Variants in LNP1 observed in about 807,000 individuals in gnomAD.
The protein encoded by LNP1 is leukemia NUP98 fusion partner 1.
In LNP1, 12 loss-of-function variants were observed where a neutral mutation model predicts 14.5. That is an observed-to-expected ratio of 0.83 (90% CI 0.53 to 1.34). The LOEUF (loss-of-function observed/expected upper bound fraction) is 1.34, where lower values mean the gene tolerates loss of function less well. LNP1 is among the 40% of genes most tolerant of loss of function. The probability of loss-of-function intolerance (pLI) is 0.00; values close to 1 mark genes in which losing one functional copy is unlikely to be tolerated. For synonymous variants in LNP1, 75 were observed against 71.4 expected (o/e 1.05, Z -0.26); for missense variants, 198 against 210.9 (o/e 0.94, Z 0.38).
intron 1 of LNP1, among the ~76,000 whole-genome samples, chr3:100,405,534 A>C (rs6797836): frequency 0.48 from 73,361 of 151,986 alleles, 20,517 homozygotes; most frequent in African/African-American, 0.77. Context: ...TAAGAGCCCT[A>C]TTCTGGGTTG....
chr3:100,410,301 A>G (rs1031936191), intron 1 of LNP1, among the ~76,000 whole-genome samples: 2 of 152,230 alleles, frequency 1.3e-5, no homozygotes, highest in East Asian at 3.8e-4. Context: ...ACATAAATAC[A>G]TGAACAGAAT....
intron 1 of LNP1, among the ~76,000 whole-genome samples, chr3:100,408,533 GGGTTATTT>G (rs1452574214): frequency 6.6e-6 from 1 of 152,206 alleles, no homozygotes; most frequent in Non-Finnish European, 1.5e-5. Context: ...CTGTTGCTGT[GGGTTATTT>G]GGATCCCAAG....
chr3:100,445,160 T>C (rs1707376254), intron 2 of LNP1, among the ~76,000 whole-genome samples: 1 of 152,148 alleles, frequency 6.6e-6, no homozygotes, highest in East Asian at 1.9e-4. Flanking sequence ...TCATCTCAGC[T>C]ACTTGGGAAA....
intron 1 of LNP1, among the ~76,000 whole-genome samples, chr3:100,410,420 A>C (rs1707021391): frequency 6.6e-6 from 1 of 152,222 alleles, no homozygotes; most frequent in African/African-American, 2.4e-5. Context: ...GTAGCAAAGA[A>C]TATGGCTGCA....
Position 100,453,425 on chromosome 3 carries a change from A to T in LNP1, c.387+1476A>T, listed in dbSNP as rs553172544. 3.6e-4 allele frequency among the ~76,000 whole-genome samples: 49 copies of T among 134,690 alleles called. No individual in the cohort carries two copies. The East Asian group carries it at 3.7e-3, about 10-fold the overall frequency. 88.4% of individuals were successfully genotyped at this position (134,690 alleles called of 152,430 possible). ...GTGAAATCCTGTCTCTACGAAAATT[A>T]AAAAAAAAAAAAAAAATTACCAGCC... On this transcript the variant is annotated intron_variant, in intron 3 of 3. Transcript: ENST00000383693.
intron 1 of LNP1, among the ~76,000 whole-genome samples, chr3:100,418,572 G>A (rs1196066320): frequency 6.6e-6 from 1 of 152,088 alleles, no homozygotes. Context: ...ATGACATAGG[G>A]TGCAGGAAAG....
chr3:100,422,338 C>A (rs1476914219), intron 1 of LNP1, among the ~76,000 whole-genome samples: 1 of 152,034 alleles, frequency 6.6e-6, no homozygotes, highest in African/African-American at 2.4e-5. Context: ...CACCTGCCAC[C>A]AAGCCCAGCT....
At chr3:100,408,897 C>T (rs920395446) in intron 1 of LNP1, among the ~76,000 whole-genome samples, 2 of 152,168 alleles carry the variant, frequency 1.3e-5, no homozygotes, top group Non-Finnish European at 1.5e-5. Flanking sequence ...ATGCTATAAC[C>T]AGGTGCTATA....
In LNP1 at chr3:100,409,746, C is replaced by G. The variant is rs1707010917; in HGVS notation, c.-34+7307C>G. 2.0e-5 allele frequency among the ~76,000 whole-genome samples: 3 copies of G among 151,204 alleles called. No homozygotes were observed. The South Asian group carries it at 6.3e-4, about 32-fold the overall frequency. ...AGTATCTGGGATTGCAGGTACCCAC[C>G]ACTGTGCCCAGCTAATTTTTGTATT... On this transcript the variant is annotated intron_variant, in intron 1 of 3. Coordinates refer to ENST00000383693, the MANE Select transcript of LNP1 (RefSeq NM_001085451.2).
chr3:100,409,103 G>A (rs958168803), intron 1 of LNP1, among the ~76,000 whole-genome samples: 3 of 152,124 alleles, frequency 2.0e-5, no homozygotes, highest in African/African-American at 7.2e-5. Context: ...CCTCAGTGTG[G>A]TTGGCCCTCA....
intron 1 of LNP1, among the ~76,000 whole-genome samples, chr3:100,416,736 A>G (rs1278714902): frequency 3.9e-5 from 5 of 129,330 alleles, no homozygotes; most frequent in Admixed American, 2.4e-4. Flanking sequence ...TTTTTTTTAC[A>G]TTAAGTTCCA....
chr3:100,453,630 CTT>C (rs958167477), intron 3 of LNP1, among the ~76,000 whole-genome samples: 1 of 150,876 alleles, frequency 6.6e-6, no homozygotes, highest in African/African-American at 2.4e-5. Flanking sequence ...TAAAAAAATA[CTT>C]TTTGTTTTCA....
rs985447521 is a variant in LNP1, at chr3:100,411,992, G to A, written c.-34+9553G>A. ...TAAAGGTATCAAAGAAGGAAAAAGT[G>A]ACATTCAAGATTGTATTAGCCATTT... On this transcript the variant is annotated intron_variant, in intron 1 of 3. Coordinates refer to ENST00000383693, the MANE Select transcript of LNP1 (RefSeq NM_001085451.2). 2.8e-4 allele frequency among the ~76,000 whole-genome samples: 43 copies of A among 152,158 alleles called. 1 individual carries two copies. The highest frequency in any genetic ancestry group is 4.8e-5 in the African/African-American group (2 of 41,432).
At chr3:100,412,764 A>G (rs1287378507) in intron 1 of LNP1, among the ~76,000 whole-genome samples, 2 of 152,176 alleles carry the variant, frequency 1.3e-5, no homozygotes, top group African/African-American at 2.4e-5. Context: ...CTGTATTGCC[A>G]TAATTATTCA....
At position 100,404,790 on chromosome 3, in the gene LNP1, C is replaced by CGT. The variant is rs1559838210; in HGVS notation, c.-34+2351_-34+2352insGT. Among the ~76,000 whole-genome samples the CGT allele has an allele frequency of 7.1e-5, 8 of 113,118 alleles. 1 individual carries two copies. The highest frequency in any genetic ancestry group is 3.6e-4 in the African/African-American group (7 of 19,582). The allele number at this position is 113,118 out of a possible 152,430, so 74.2% of individuals were successfully genotyped here. On this transcript the variant is annotated intron_variant, in intron 1 of 3. Transcript: ENST00000383693. ...CACTCATTCTTTCTCTTTGTGTTAT[C>CGT]CTTTTTTTTTTTTTTTTTCCAAGAT...
intron 1 of LNP1, among the ~76,000 whole-genome samples, chr3:100,425,219 GC>G (rs1385519677): frequency 6.6e-6 from 1 of 152,174 alleles, no homozygotes; most frequent in African/African-American, 2.4e-5. Context: ...GGTTAGCAGA[GC>G]CCCCAGTGTG....
chr3:100,447,844 T>C (rs1294212615), intron 2 of LNP1, among the ~76,000 whole-genome samples: 1 of 152,200 alleles, frequency 6.6e-6, no homozygotes, highest in Non-Finnish European at 1.5e-5. Context: ...TGTTTCCTGG[T>C]TCCTGTTACC....
At chr3:100,447,596 A>G (rs1412392381) in intron 2 of LNP1, among the ~76,000 whole-genome samples, 1 of 143,460 alleles carries the variant, frequency 7.0e-6, no homozygotes, top group Non-Finnish European at 1.5e-5. Context: ...CTTAAAGTAT[A>G]ATTTAAAAAA....
chr3:100,446,761 T>A (rs1487670075), intron 2 of LNP1, among the ~76,000 whole-genome samples: 1 of 151,546 alleles, frequency 6.6e-6, no homozygotes, highest in Non-Finnish European at 1.5e-5. Flanking sequence ...CAAGGAAAAA[T>A]CCAACAACCC....
Sources: allele counts gnomAD v4.1 joint callset (sites outside exome capture counted in the v4.1 genomes callset), GRCh38; gene constraint gnomAD v4.1.1; transcripts MANE v1.5; gene names NCBI Gene and HGNC (gene_info 2026-07-23, HGNC 2026-07-21).